Variants in REG3A observed in about 807,000 individuals in gnomAD.
The protein encoded by REG3A is regenerating family member 3 alpha.
Under a neutral mutation model 20.5 loss-of-function variants are expected in REG3A, and 15 were observed. That is an observed-to-expected ratio of 0.73 (90% CI 0.49 to 1.12). The LOEUF (loss-of-function observed/expected upper bound fraction) is 1.12. Ranked by LOEUF, REG3A falls within the 50% of genes most tolerant of loss-of-function variation. The pLI is 0.00. For missense variants in REG3A, 224 were observed against 213.1 expected (o/e 1.05, Z -0.32); for synonymous variants, 93 against 83.2 (o/e 1.12, Z -0.64).
At chr2:79,158,189 T>C (rs192886235) in intron 4 of REG3A, 137 bp downstream of exon 4, 1 of 1,039,306 alleles carries the variant, frequency 9.6e-7, no homozygotes, top group African/African-American at 1.6e-5. Flanking sequence ...GGCCTTCCCT[T>C]TCCCCCCAAA....
Position 79,158,747 on chromosome 2 carries a change from C to T in REG3A, c.99G>A (p.Leu33=). The change falls in exon 3 of 6, where the codon CTG becomes CTA. Residue 33 remains leucine, a synonymous_variant. Transcript: ENST00000305165. ...TGGGACAGCGGATCCGTGCAGAGGG[C>T]AGTTCCCTCTGGGGTTCTTCACCTG... ...QVQGEEPQRE[L]PSARIRCPKG... is the part of the protein sequence containing the mutation. 6.2e-7 allele frequency: 1 copy of T among 1,613,662 alleles called. No individual in the cohort carries two copies. Among genetic ancestry groups the T allele is most frequent in the Non-Finnish European group, 8.5e-7 (1 of 1,179,836 alleles).
chr2:79,157,837 G>A (rs1350044064), intron 4 of REG3A, 139 bp from the exon 5 acceptor site: 6 of 1,106,500 alleles, frequency 5.4e-6, no homozygotes, highest in Non-Finnish European at 6.4e-6. Flanking sequence ...CGGTGAGTAG[G>A]AAACTCTTCC....
intron 4 of REG3A, 79 bp downstream of exon 4, chr2:79,158,247 C>A (rs1314633974): frequency 6.6e-7 from 1 of 1,509,018 alleles, no homozygotes. Flanking sequence ...ACTTCCTGGG[C>A]AGGCACAGGG....
In REG3A at chr2:79,159,357, A is replaced by G; in HGVS notation, c.49T>C (p.Cys17Arg). 2.5e-6 allele frequency: 4 copies of G among 1,613,992 alleles called. No homozygotes were observed. Among genetic ancestry groups the G allele is most frequent in the Non-Finnish European group, 3.4e-6 (4 of 1,179,978 alleles). The change falls in exon 2 of 6, where the codon TGC becomes CGC. Residue 17 changes from cysteine to arginine, a missense_variant. Coordinates refer to ENST00000305165, the MANE Select transcript of REG3A (RefSeq NM_002580.3). ...LPSVSWMLLS[C>R]LMLLSQVQGE... Reference sequence around the variant, plus strand: ...TGAACCTGAGACAGCAGCATGAGGCAGGAAAGCAGCATCCAAGATACACTG... The same window carrying G: ...TGAACCTGAGACAGCAGCATGAGGCGGGAAAGCAGCATCCAAGATACACTG...
At chr2:79,157,525 G>C in intron 5 of REG3A, 47 bp downstream of exon 5, 1 of 1,603,918 alleles carries the variant, frequency 6.2e-7, no homozygotes, top group Non-Finnish European at 8.5e-7. Context: ...CAGGAATGGG[G>C]GATGAGATGG....
intron 1 of REG3A, 103 bp downstream of exon 1, chr2:79,159,625 C>T (rs1272377356): frequency 3.6e-6 from 2 of 554,024 alleles, no homozygotes; most frequent in Admixed American, 3.0e-5. Flanking sequence ...TGCTGAGTCT[C>T]AGAGTTCCTG....
In REG3A at chr2:79,159,319, A is replaced by G. The variant is rs759349290; in HGVS notation, c.76+11T>C. ...ATAGGGAACCCAGTGCTAGAGGCAAAGCAATCTCACCTTGAACCTGAGACA... is the reference window on the plus strand; with the variant it reads ...ATAGGGAACCCAGTGCTAGAGGCAAGGCAATCTCACCTTGAACCTGAGACA... On this transcript the variant is annotated intron_variant, in intron 2 of 5. Coordinates refer to ENST00000305165, the MANE Select transcript of REG3A (RefSeq NM_002580.3). 9 of 1,613,706 alleles carry G rather than the reference A, an allele frequency of 5.6e-6. No individual in the cohort carries two copies. The highest frequency in any genetic ancestry group is 7.6e-6 in the Non-Finnish European group (9 of 1,179,858).
chr2:79,159,219 A>T lies in REG3A; in HGVS notation c.76+111T>A, dbSNP rs576983078. 3 of 1,105,026 alleles carry T rather than the reference A, an allele frequency of 2.7e-6. No individual in the cohort carries two copies. In the Admixed American group the frequency reaches 5.5e-5, roughly 20 times the overall value. 68.5% of individuals were successfully genotyped at this position (1,105,026 alleles called of 1,614,324 possible). A position where few individuals can be genotyped will look rare whatever the true frequency, so the allele number is the denominator to read the frequency against. ...GAGAGATGATGCAAGAACTGCAGGCAGGTTCATTAGACACCACGTCATTAC... is the reference window on the plus strand; with the variant it reads ...GAGAGATGATGCAAGAACTGCAGGCTGGTTCATTAGACACCACGTCATTAC... On this transcript the variant is annotated intron_variant, in intron 2 of 5. Transcript: ENST00000305165.
chr2:79,159,125 G>A lies in REG3A; in HGVS notation c.76+205C>T, dbSNP rs1021436757. 8.2e-6 allele frequency: 5 copies of A among 606,720 alleles called. No individual in the cohort carries two copies. In the African/African-American group the frequency reaches 9.3e-5, roughly 11 times the overall value. The allele number at this position is 606,720 out of a possible 1,614,324, so 37.6% of individuals were successfully genotyped here. ...GTATATTAGAGTCCACTGACTAAATGGAAGCCATCTCATTCCACTGTTAGT... is the reference window on the plus strand; with the variant it reads ...GTATATTAGAGTCCACTGACTAAATAGAAGCCATCTCATTCCACTGTTAGT... On this transcript the variant is annotated intron_variant, in intron 2 of 5. Transcript: ENST00000305165.
chr2:79,158,713 T>C lies in REG3A; in HGVS notation c.133A>G (p.Lys45Glu). 1 of 1,613,718 alleles carries C rather than the reference T, an allele frequency of 6.2e-7. No individual in the cohort carries two copies. The highest frequency in any genetic ancestry group is 8.5e-7 in the Non-Finnish European group (1 of 1,179,834). Residue 45 changes from lysine (K) to glutamate (E), a missense_variant, in exon 3 of 6, where the codon AAG (lysine) becomes GAG (glutamate). By Grantham distance (56) the Lys-to-Glu change is moderately conservative. Transcript: ENST00000305165. ...SARIRCPKGS[K>E]AYGSHCYALF... ...GCATAGCAGTGGGAGCCATAGGCCT[T>C]GGAGCCTTTGGGACAGCGGATCCGT...
chr2:79,159,645 A>G (rs560594249), intron 1 of REG3A, 83 bp downstream of exon 1: 4 of 521,542 alleles, frequency 7.7e-6, no homozygotes, highest in East Asian at 6.5e-5. Flanking sequence ...GTGCTCCCTG[A>G]GGAAGGGACC....
chr2:79,158,953 A>G (rs1256007238), intron 2 of REG3A, 184 bp from the exon 3 acceptor site: 1 of 606,448 alleles, frequency 1.6e-6, no homozygotes, highest in African/African-American at 1.9e-5. Context: ...AGCACCATCC[A>G]GTCTCTTATT....
At chr2:79,158,275 G>A (rs776507596) in intron 4 of REG3A, 51 bp downstream of exon 4, 1 of 1,587,948 alleles carries the variant, frequency 6.3e-7, no homozygotes, top group South Asian at 1.2e-5. Flanking sequence ...AGTGGGCCTG[G>A]GCAACAATAG....
chr2:79,157,180 A>C lies in REG3A; in HGVS notation c.*46T>G, dbSNP rs1673333905. 1 of 1,480,846 alleles carries C rather than the reference A, an allele frequency of 6.8e-7. No individual in the cohort carries two copies. The highest frequency in any genetic ancestry group is 9.4e-7 in the Non-Finnish European group (1 of 1,058,636). 91.7% of individuals were successfully genotyped at this position (1,480,846 alleles called of 1,614,324 possible). A position where few individuals can be genotyped will look rare whatever the true frequency, so the allele number is the denominator to read the frequency against. On this transcript the variant is annotated 3_prime_UTR_variant, in exon 6 of 6. Transcript: ENST00000305165. Reference sequence around the variant, plus strand: ...GAGTCCTCACACTGGTCTCATGCCCATGATGAGTTGCACACCAAACACAGG... The same window carrying C: ...GAGTCCTCACACTGGTCTCATGCCCCTGATGAGTTGCACACCAAACACAGG...
At position 79,159,422 on chromosome 2, in the gene REG3A, G is replaced by C. The variant is rs1360460279; in HGVS notation, c.-17C>G. Reference sequence around the variant, plus strand: ...AGGCAGCATAGTGTCTGCGACTTGAGGAGGCAATCAGGAGTCACTAAAGAA... The same window carrying C: ...AGGCAGCATAGTGTCTGCGACTTGACGAGGCAATCAGGAGTCACTAAAGAA... On this transcript the variant is annotated 5_prime_UTR_variant, in exon 2 of 6. Coordinates refer to ENST00000305165, the MANE Select transcript of REG3A (RefSeq NM_002580.3). The C allele has an allele frequency of 6.2e-7, 1 of 1,613,410 alleles. No homozygotes were observed. The highest frequency in any genetic ancestry group is 1.3e-5 in the African/African-American group (1 of 74,922).
chr2:79,157,430 A>C, intron 5 of REG3A, 137 bp from the exon 6 acceptor site: 5 of 1,459,238 alleles, frequency 3.4e-6, no homozygotes, highest in Non-Finnish European at 4.7e-6. Flanking sequence ...AGAGAGATTC[A>C]AAGAAAGTGG....
intron 4 of REG3A, 135 bp from the exon 5 acceptor site, chr2:79,157,833 G>A: frequency 8.8e-7 from 1 of 1,130,552 alleles, no homozygotes; most frequent in Non-Finnish European, 1.2e-6. Flanking sequence ...CTGCCGGTGA[G>A]TAGGAAACTC....
In REG3A at chr2:79,157,037, C is replaced by T. The variant is rs929802544; in HGVS notation, c.*189G>A. On this transcript the variant is annotated 3_prime_UTR_variant, in exon 6 of 6. Transcript: ENST00000305165. ...CTAAAAATTTTATTGCTCTTTAAAG[C>T]CTTAGGCCGTATGACAAAATGAAGA... The T allele has an allele frequency of 1.6e-6, 1 of 612,622 alleles. No individual in the cohort carries two copies. 37.9% of individuals were successfully genotyped at this position (612,622 alleles called of 1,614,324 possible).
At chr2:79,159,567 T>C (rs1052913881) in intron 1 of REG3A, 128 bp from the exon 2 acceptor site, 21 of 699,286 alleles carry the variant, frequency 3.0e-5, no homozygotes, top group Non-Finnish European at 5.2e-5. Flanking sequence ...TCTGAATGAG[T>C]TGTGAATCTG....
Sources: allele counts gnomAD v4.1 joint callset, GRCh38; gene constraint gnomAD v4.1.1; transcripts MANE v1.5; gene names NCBI Gene and HGNC (gene_info 2026-07-23, HGNC 2026-07-21).